Variants in TRERF1 observed in about 807,000 individuals in gnomAD.
TRERF1 encodes transcriptional-regulating factor 1.
Under a neutral mutation model 122.9 loss-of-function variants are expected in TRERF1, and 27 were observed. The observed-to-expected ratio is 0.22, with a 90% CI of 0.16 to 0.30. TRERF1 has a LOEUF of 0.30. TRERF1 is among the 10% of genes least tolerant of loss of function. The pLI, the probability that TRERF1 is intolerant of heterozygous loss-of-function variation, is 1.00. For synonymous variants in TRERF1, 636 were observed against 641.7 expected, an observed-to-expected ratio of 0.99 and a Z score of 0.13; for missense variants, 1,248 against 1,560.3, an observed-to-expected ratio of 0.80 and a Z score of 3.37.
At chr6:42,418,263 TTTC>T (rs1379736703) in intron 2 of TRERF1, among the ~76,000 whole-genome samples, 98 of 49,178 alleles carry the variant, frequency 2.0e-3, no homozygotes, top group Non-Finnish European at 4.1e-3. Context: ...TCTTTCTTTC[TTTC>T]TTTTTTTTTT....
chr6:42,349,804 C>T (rs148935980), intron 3 of TRERF1, among the ~76,000 whole-genome samples: 82 of 152,098 alleles, frequency 5.4e-4, no homozygotes, highest in Middle Eastern at 3.4e-3. Context: ...TGGTAACCGC[C>T]GAAGAGCCCA....
At chr6:42,353,588 C>CA (rs1297837121) in intron 3 of TRERF1, among the ~76,000 whole-genome samples, 3 of 149,900 alleles carry the variant, frequency 2.0e-5, no homozygotes, top group African/African-American at 7.4e-5. Context: ...AACTCCACCT[C>CA]AAAAAACAAA....
At chr6:42,396,750 A>G (rs1778661266) in intron 2 of TRERF1, among the ~76,000 whole-genome samples, 1 of 152,320 alleles carries the variant, frequency 6.6e-6, no homozygotes, top group Admixed American at 6.5e-5. Context: ...TGTTTCCACA[A>G]TGAAACCCAC....
chr6:42,290,755 T>C (rs1266009108), intron 4 of TRERF1, among the ~76,000 whole-genome samples: 1 of 146,310 alleles, frequency 6.8e-6, no homozygotes, highest in South Asian at 2.2e-4. Context: ...TTTTTTTTTT[T>C]TTTTTTTTTG....
chr6:42,332,278 A>G (rs532961674), intron 3 of TRERF1, among the ~76,000 whole-genome samples: 24 of 152,388 alleles, frequency 1.6e-4, no homozygotes, highest in South Asian at 4.1e-4. Flanking sequence ...CAGCCTTGCA[A>G]ACAAGAGGCC....
intron 2 of TRERF1, among the ~76,000 whole-genome samples, chr6:42,368,398 C>T (rs754044861): frequency 1.1e-4 from 16 of 152,104 alleles, no homozygotes; most frequent in Non-Finnish European, 1.5e-4. Context: ...CTCGCCCCCC[C>T]AAGTTAGGTT....
chr6:42,252,462 G>A (rs1201571961), intron 13 of TRERF1, among the ~76,000 whole-genome samples: 1 of 152,162 alleles, frequency 6.6e-6, no homozygotes, highest in African/African-American at 2.4e-5. Context: ...GCAAATTCGG[G>A]GCTGGGACTC....
chr6:42,266,142 G>A (rs1427900652), intron 5 of TRERF1, among the ~76,000 whole-genome samples: 1 of 151,708 alleles, frequency 6.6e-6, no homozygotes, highest in Non-Finnish European at 1.5e-5. Context: ...ACAGAAGAAA[G>A]AGGTGGGAGA....
At chr6:42,310,440 G>A (rs1788043653) in intron 3 of TRERF1, among the ~76,000 whole-genome samples, 1 of 152,228 alleles carries the variant, frequency 6.6e-6, no homozygotes, top group Non-Finnish European at 1.5e-5. Context: ...TTTGTTGTTG[G>A]TGGGGCTTTC....
chr6:42,296,985 A>C (rs533021543), intron 4 of TRERF1, among the ~76,000 whole-genome samples: 2 of 152,382 alleles, frequency 1.3e-5, no homozygotes, highest in South Asian at 2.1e-4. Context: ...TCAGCTAGTT[A>C]AAACATTTTG....
At chr6:42,355,148 G>A (rs1366986961) in intron 3 of TRERF1, among the ~76,000 whole-genome samples, 6 of 152,128 alleles carry the variant, frequency 3.9e-5, no homozygotes, top group Middle Eastern at 3.2e-3. Context: ...AAGAGGTAAC[G>A]AGTGATGCCT....
At chr6:42,418,947 T>C (rs980793901) in intron 2 of TRERF1, among the ~76,000 whole-genome samples, 2 of 152,156 alleles carry the variant, frequency 1.3e-5, no homozygotes, top group Non-Finnish European at 2.9e-5. Context: ...TAAAGCATCA[T>C]ATTATTAGCC....
chr6:42,383,083 T>C (rs1776228829), intron 2 of TRERF1, among the ~76,000 whole-genome samples: 1 of 152,082 alleles, frequency 6.6e-6, no homozygotes, highest in Admixed American at 6.5e-5. Context: ...TAGCTGAGTG[T>C]GGTGGTGCAC....
At chr6:42,357,097 G>A (rs1483712615) in intron 3 of TRERF1, among the ~76,000 whole-genome samples, 4 of 151,880 alleles carry the variant, frequency 2.6e-5, no homozygotes, top group South Asian at 2.1e-4. Context: ...TTGGGAGGCC[G>A]AGGCAGATGG....
chr6:42,315,041 C>T lies in TRERF1; in HGVS notation c.-370-14292G>A, dbSNP rs540960957. 2.6e-5 allele frequency among the ~76,000 whole-genome samples: 4 copies of T among 152,254 alleles called. No individual in the cohort carries two copies. The East Asian group carries it at 5.8e-4, about 22-fold the overall frequency. The stretch of plus-strand genomic sequence containing the variant: ...AGAACGTTCACAGCAGTGGTGACAG[C>T]GAGTGCAGTGGCTCTGGCAGGGATG... On this transcript the variant is annotated intron_variant, in intron 3 of 17. Coordinates refer to ENST00000372922, the Ensembl canonical transcript of TRERF1.
At chr6:42,346,477 T>C (rs1768309548) in intron 3 of TRERF1, among the ~76,000 whole-genome samples, 1 of 152,218 alleles carries the variant, frequency 6.6e-6, no homozygotes, top group South Asian at 2.1e-4. Flanking sequence ...TGCATCTATG[T>C]CCAGCTCCAA....
chr6:42,358,130 A>G (rs1306611507), intron 3 of TRERF1, among the ~76,000 whole-genome samples: 1 of 152,232 alleles, frequency 6.6e-6, no homozygotes, highest in East Asian at 1.9e-4. Flanking sequence ...CTACAGAGGC[A>G]TACCATACAA....
chr6:42,349,824 T>C (rs1769061852), intron 3 of TRERF1, among the ~76,000 whole-genome samples: 1 of 152,166 alleles, frequency 6.6e-6, no homozygotes, highest in South Asian at 2.1e-4. Flanking sequence ...AGAGGAACAA[T>C]ACCAATATCC....
chr6:42,435,952 C>G (rs1418181425), intron 2 of TRERF1, among the ~76,000 whole-genome samples: 1 of 151,714 alleles, frequency 6.6e-6, no homozygotes, highest in Non-Finnish European at 1.5e-5. Context: ...TGCACTCCAG[C>G]CCAGGCGACA....
Sources: gnomAD v4.1 joint callset for allele counts (sites outside exome capture counted in the v4.1 genomes callset) on GRCh38, gnomAD v4.1.1 for gene constraint, MANE v1.5 for transcripts, NCBI Gene and HGNC (gene_info 2026-07-23, HGNC 2026-07-21) for gene names.